The following SEC22A variants were observed in gnomAD, a reference collection of about 807,000 sequenced individuals.
SEC22A encodes SEC22 homolog A, vesicle trafficking protein, also known as vesicle-trafficking protein SEC22a.
In SEC22A, 22 loss-of-function variants were observed where a neutral mutation model predicts 35.3. The ratio of observed to expected loss-of-function variants is 0.62; its 90% CI spans 0.45 to 0.89. SEC22A has a LOEUF of 0.89. SEC22A is among the 40% of genes least tolerant of loss of function. The pLI, the probability that SEC22A is intolerant of heterozygous loss-of-function variation, is 0.00. For missense variants in SEC22A, 354 were observed against 362.5 expected, an observed-to-expected ratio of 0.98 and a Z score of 0.19; for synonymous variants, 119 against 129.5, an observed-to-expected ratio of 0.92 and a Z score of 0.55.
chr3:123,211,468 A>T (rs184613257), intron 2 of SEC22A, among the ~76,000 whole-genome samples: 1 of 152,018 alleles, frequency 6.6e-6, no homozygotes, highest in Non-Finnish European at 1.5e-5. Flanking sequence ...CATTTTGATC[A>T]TTTTTTTAAG....
At chr3:123,245,826 A>G in intron 4 of SEC22A, 73 bp from the exon 5 acceptor site, 1 of 793,822 alleles carries the variant, frequency 1.3e-6, no homozygotes, top group Middle Eastern at 2.5e-4. Flanking sequence ...TTGAGCAGTG[A>G]ATTTCTGTTT....
At position 123,272,392 on chromosome 3, in the gene SEC22A, A is replaced by G. The variant is rs1938191435; in HGVS notation, c.*670A>G. 6.6e-6 allele frequency: 1 copy of G among 152,346 alleles called. No individual in the cohort carries two copies. 9.4% of individuals were successfully genotyped at this position (152,346 alleles called of 1,614,324 possible). A position where few individuals can be genotyped will look rare whatever the true frequency, so the allele number is the denominator to read the frequency against. On this transcript the variant is annotated 3_prime_UTR_variant, in exon 7 of 7. Transcript: ENST00000492595. ...ATCCACATTTATTGTTTCTTTTGAA[A>G]TCACGTCTAAAAAATATGACTCACA... is the stretch of plus-strand genomic sequence containing the variant.
At chr3:123,246,337 G>T (rs1226407040) in intron 5 of SEC22A, among the ~76,000 whole-genome samples, 1 of 152,150 alleles carries the variant, frequency 6.6e-6, no homozygotes, top group Non-Finnish European at 1.5e-5. Flanking sequence ...ACACAGAGTT[G>T]GGAAGGGGGA....
chr3:123,258,858 A>G (rs111461780), intron 5 of SEC22A, among the ~76,000 whole-genome samples: 3,104 of 152,312 alleles, frequency 0.02, 53 homozygotes, highest in Non-Finnish European at 0.025. Context: ...GTAGATATTT[A>G]AGAAGAACCA....
chr3:123,249,514 CATAT>C (rs151068447), intron 5 of SEC22A, among the ~76,000 whole-genome samples: 1 of 150,272 alleles, frequency 6.7e-6, no homozygotes, highest in Non-Finnish European at 1.5e-5. Flanking sequence ...TGTTTTTTAT[CATAT>C]ATATATATAT....
chr3:123,253,712 C>CAAAA (rs550562079), intron 5 of SEC22A, among the ~76,000 whole-genome samples: 4 of 103,162 alleles, frequency 3.9e-5, no homozygotes, highest in Non-Finnish European at 6.2e-5. Flanking sequence ...GACTCCATCT[C>CAAAA]AAAAAAAAAA....
At chr3:123,238,546 C>A (rs1265639028) in intron 4 of SEC22A, among the ~76,000 whole-genome samples, 3 of 152,088 alleles carry the variant, frequency 2.0e-5, no homozygotes, top group Non-Finnish European at 2.9e-5. Flanking sequence ...CAGACCAAGC[C>A]TACATAATAT....
Position 123,252,905 on chromosome 3 carries a change from T to C in SEC22A, c.658-6619T>C, listed in dbSNP as rs1053251543. Among the ~76,000 whole-genome samples, 8 of 152,210 alleles carry C rather than the reference T, an allele frequency of 5.3e-5. No homozygotes were observed. In the South Asian group the frequency reaches 6.2e-4, roughly 12 times the overall value. ...TTATTTTGGAGTCCACAGTAATATA[T>C]AAATTAGATTATTTTCACTTCTTAA... On this transcript the variant is annotated intron_variant, in intron 5 of 6. Coordinates refer to ENST00000492595, the MANE Select transcript of SEC22A (RefSeq NM_012430.5).
chr3:123,207,750 G>A (rs1343778237), intron 1 of SEC22A, among the ~76,000 whole-genome samples: 1 of 152,150 alleles, frequency 6.6e-6, no homozygotes, highest in African/African-American at 2.4e-5. Flanking sequence ...TTTATGAAAG[G>A]TTGAGTGACT....
At chr3:123,238,062 G>A (rs986446877) in intron 4 of SEC22A, among the ~76,000 whole-genome samples, 7 of 152,146 alleles carry the variant, frequency 4.6e-5, no homozygotes, top group East Asian at 1.9e-4. Context: ...GCTGAGGCAG[G>A]AGGATTGCTT....
intron 4 of SEC22A, among the ~76,000 whole-genome samples, chr3:123,241,218 G>C (rs1240315498): frequency 1.3e-5 from 2 of 152,156 alleles, no homozygotes; most frequent in Non-Finnish European, 2.9e-5. Context: ...TGCTCCAAAA[G>C]AGGTAAGAAG....
intron 5 of SEC22A, among the ~76,000 whole-genome samples, chr3:123,247,261 A>G (rs1035242822): frequency 6.6e-6 from 1 of 152,226 alleles, no homozygotes; most frequent in African/African-American, 2.4e-5. Flanking sequence ...TAGAAATAAC[A>G]GTAGTATAGG....
At chr3:123,251,914 G>T (rs1937618513) in intron 5 of SEC22A, among the ~76,000 whole-genome samples, 1 of 152,192 alleles carries the variant, frequency 6.6e-6, no homozygotes, top group Admixed American at 6.5e-5. Flanking sequence ...GCTTTGTAAA[G>T]ATTCTGTGTC....
chr3:123,260,888 T>C (rs1937879553), intron 6 of SEC22A, among the ~76,000 whole-genome samples: 1 of 149,556 alleles, frequency 6.7e-6, no homozygotes, highest in Non-Finnish European at 1.5e-5. Context: ...CAGGCTGGAG[T>C]GCAGTTGTGC....
At chr3:123,228,606 T>C (rs910642269) in intron 4 of SEC22A, among the ~76,000 whole-genome samples, 3 of 147,268 alleles carry the variant, frequency 2.0e-5, no homozygotes, top group Non-Finnish European at 4.5e-5. Flanking sequence ...AAAGAAAATA[T>C]GACCCACACA....
chr3:123,211,748 G>A (rs182184264), intron 2 of SEC22A, among the ~76,000 whole-genome samples: 164 of 152,202 alleles, frequency 1.1e-3, no homozygotes, highest in Middle Eastern at 3.4e-3. Flanking sequence ...ATGAGCCACT[G>A]CACCTGGCCC....
At chr3:123,213,189 C>T (rs1202641849) in intron 2 of SEC22A, among the ~76,000 whole-genome samples, 4 of 152,096 alleles carry the variant, frequency 2.6e-5, no homozygotes, top group African/African-American at 9.7e-5. Flanking sequence ...CTGACAAGGA[C>T]CTGGATTTCA....
At chr3:123,227,635 T>C (rs1480238026) in intron 4 of SEC22A, among the ~76,000 whole-genome samples, 3 of 152,104 alleles carry the variant, frequency 2.0e-5, no homozygotes, top group Non-Finnish European at 2.9e-5. Context: ...TAAGACAATA[T>C]CAACTATAGA....
chr3:123,203,063 T>C (rs1421377814), intron 1 of SEC22A, among the ~76,000 whole-genome samples: 2 of 120,082 alleles, frequency 1.7e-5, no homozygotes, highest in African/African-American at 3.1e-5. Flanking sequence ...CTTTTTTTTT[T>C]TTTTTTTTTT....
Sources: gnomAD v4.1 joint callset for allele counts (sites outside exome capture counted in the v4.1 genomes callset) on GRCh38, gnomAD v4.1.1 for gene constraint, MANE v1.5 for transcripts, NCBI Gene and HGNC (gene_info 2026-07-23, HGNC 2026-07-21) for gene names.